Variants in ZNF207 observed in about 807,000 individuals in gnomAD.
ZNF207 encodes zinc finger protein 207.
Under a neutral mutation model 60.2 loss-of-function variants are expected in ZNF207, and 24 were observed. The ratio of observed to expected loss-of-function variants is 0.40; its 90% CI spans 0.29 to 0.56. The LOEUF is 0.56. ZNF207 is among the 20% of genes least tolerant of loss of function. ZNF207 has a pLI of 0.49. For synonymous variants in ZNF207, 236 were observed against 194.7 expected (o/e 1.21, Z -1.77); for missense variants, 452 against 636.6 (o/e 0.71, Z 3.12).
intron 1 of ZNF207, chr17:32,351,489 T>C: frequency 6.8e-7 from 1 of 1,475,950 alleles, no homozygotes; most frequent in South Asian, 1.3e-5. Context: ...TGTTGAAATA[T>C]TTATAACAAA....
At chr17:32,367,282 T>TATATATATATATATATATATAAAA (rs1445385221) in intron 9 of ZNF207, among the ~76,000 whole-genome samples, 3 of 82,862 alleles carry the variant, frequency 3.6e-5, no homozygotes, top group Non-Finnish European at 6.5e-5. Context: ...TATATATATA[T>TATATATATATATATATATATAAAA]ATAAAGAATA....
In ZNF207 at chr17:32,360,701, T is replaced by C. The variant is rs1264040558; in HGVS notation, c.411T>C (p.Gly137=). Residue 137 remains glycine (G), a synonymous_variant, in exon 4 of 12, where the codon GGT becomes GGC. Coordinates refer to ENST00000394670, the MANE Select transcript of ZNF207 (RefSeq NM_001098507.2). ...FQPQPVQPQQ[G]YIPPMAQPGL... The stretch of plus-strand genomic sequence containing the variant: ...CACAGCCTGTTCAACCTCAGCAAGG[T>C]TATATTCCTCCAATGGCACAGCCAG... The C allele has an allele frequency of 6.2e-7, 1 of 1,614,108 alleles. No homozygotes were observed. The highest frequency in any genetic ancestry group is 8.5e-7 in the Non-Finnish European group (1 of 1,180,024).
At chr17:32,357,905 C>A (rs9914513) in intron 2 of ZNF207, among the ~76,000 whole-genome samples, 23 of 151,648 alleles carry the variant, frequency 1.5e-4, no homozygotes, top group Non-Finnish European at 4.4e-5. Flanking sequence ...TCAGCCTCCC[C>A]AGTAGCTGGG....
rs1905726030 is a variant in ZNF207, at chr17:32,377,738, T to C, written c.*7979T>C. On this transcript the variant is annotated 3_prime_UTR_variant, in exon 12 of 12. Transcript: ENST00000394670. ...AGATGTGTCCAAGAGATTTTCAATG[T>C]TAATTAGCTCATTCTAAATAGCCAA... is the stretch of plus-strand genomic sequence containing the variant. 2 of 151,936 alleles carry C rather than the reference T, an allele frequency of 1.3e-5. No individual in the cohort carries two copies. Among genetic ancestry groups the C allele is most frequent in the South Asian group, 4.1e-4 (2 of 4,830 alleles). The allele number at this position is 151,936 out of a possible 1,614,324, so 9.4% of individuals were successfully genotyped here. A position where few individuals can be genotyped will look rare whatever the true frequency, so the allele number is the denominator to read the frequency against.
rs1301360030 is a variant in ZNF207, at chr17:32,380,982, G to A, written c.*11223G>A. 6.6e-6 allele frequency: 1 copy of A among 151,984 alleles called. No individual in the cohort carries two copies. Among genetic ancestry groups the A allele is most frequent in the Non-Finnish European group, 1.5e-5 (1 of 67,978 alleles). The allele number at this position is 151,984 out of a possible 1,614,324, so 9.4% of individuals were successfully genotyped here. A position where few individuals can be genotyped will look rare whatever the true frequency, so the allele number is the denominator to read the frequency against. ...AAAAAAAAAAAGAAAAAAAGAAAAAGTGATAAGATTTGGGAGTCTATTCCC... is the reference window on the plus strand; with the variant it reads ...AAAAAAAAAAAGAAAAAAAGAAAAAATGATAAGATTTGGGAGTCTATTCCC... On this transcript the variant is annotated 3_prime_UTR_variant, in exon 12 of 12. Transcript: ENST00000394670.
chr17:32,362,918 A>G lies in ZNF207; in HGVS notation c.604A>G (p.Met202Val). Residue 202 changes from methionine (M) to valine (V), a missense_variant, in exon 7 of 12, where the codon ATG (methionine) becomes GTG (valine). Around this residue, in one of 2 missense-constraint regions of ZNF207, gnomAD observed 390 missense variants for 461.4 expected, o/e 0.85. Transcript: ENST00000394670. ...TQSFCGENIM[M>V]PMGGMMPPGP... ...TTGAAATTTGCTTTCTAATAGAATG[A>G]TGCCAATGGGTGGAATGATGCCACC... 1 of 1,613,380 alleles carries G rather than the reference A, an allele frequency of 6.2e-7. No individual in the cohort carries two copies. Among genetic ancestry groups the G allele is most frequent in the Non-Finnish European group, 8.5e-7 (1 of 1,179,928 alleles).
At chr17:32,366,803 C>G (rs1905182732) in intron 9 of ZNF207, 46 bp downstream of exon 9, 1 of 1,536,048 alleles carries the variant, frequency 6.5e-7, no homozygotes. Context: ...GGCTTTATAA[C>G]TTAACCCTTT....
At chr17:32,361,649 T>C (rs1241930907) in intron 6 of ZNF207, 134 bp downstream of exon 6, 1 of 677,210 alleles carries the variant, frequency 1.5e-6, no homozygotes, top group Non-Finnish European at 2.3e-6. Context: ...GCAAGCTAAT[T>C]AACACAGGTC....
rs2150808747 is a variant in ZNF207, at chr17:32,378,750, T to C, written c.*8991T>C. The C allele has an allele frequency of 6.6e-6, 1 of 152,202 alleles. No individual in the cohort carries two copies. Among genetic ancestry groups the C allele is most frequent in the Non-Finnish European group, 1.5e-5 (1 of 67,918 alleles). 9.4% of individuals were successfully genotyped at this position (152,202 alleles called of 1,614,324 possible). ...TGTTGTTTGAACCATCCTCTAAAGA[T>C]TTCCTTTAACCTCTAAATGTTGTGC... On this transcript the variant is annotated 3_prime_UTR_variant, in exon 12 of 12. Coordinates refer to ENST00000394670, the MANE Select transcript of ZNF207 (RefSeq NM_001098507.2).
At chr17:32,367,153 A>G (rs1450021762) in intron 9 of ZNF207, among the ~76,000 whole-genome samples, 1 of 149,150 alleles carries the variant, frequency 6.7e-6, no homozygotes, top group Admixed American at 6.7e-5. Context: ...CATATTTGTT[A>G]CTGATAACTT....
Position 32,372,997 on chromosome 17 carries a change from C to T in ZNF207, c.*3238C>T. ...AAAACATTTTGTCTGGCACTAGTTT[C>T]TGTTGTATAAGTTTTCATACTGTTT... On this transcript the variant is annotated 3_prime_UTR_variant, in exon 12 of 12. Transcript: ENST00000394670. 6.4e-6 allele frequency: 1 copy of T among 155,626 alleles called. No individual in the cohort carries two copies. The highest frequency in any genetic ancestry group is 1.4e-5 in the Non-Finnish European group (1 of 70,388). The allele number at this position is 155,626 out of a possible 1,614,324, so 9.6% of individuals were successfully genotyped here.
chr17:32,357,348 ATTATTTTTTTT>A (rs1312595082), intron 2 of ZNF207, among the ~76,000 whole-genome samples: 2 of 77,692 alleles, frequency 2.6e-5, no homozygotes, highest in Admixed American at 1.4e-4. Context: ...TATTATTATT[ATTATTTTTTTT>A]TTTTTTTGAG....
chr17:32,369,465 T>C lies in ZNF207; in HGVS notation c.1324+11T>C. The stretch of plus-strand genomic sequence containing the variant: ...CAATGCCACCTCATGGTATTCCTCT[T>C]TTTATGTTTTTCATATTTAGTGGAT... On this transcript the variant is annotated intron_variant, in intron 11 of 11. Coordinates refer to ENST00000394670, the MANE Select transcript of ZNF207 (RefSeq NM_001098507.2). The C allele has an allele frequency of 6.2e-7, 1 of 1,611,628 alleles. No homozygotes were observed. The highest frequency in any genetic ancestry group is 8.5e-7 in the Non-Finnish European group (1 of 1,178,348).
At chr17:32,357,318 A>AT (rs892537093) in intron 2 of ZNF207, among the ~76,000 whole-genome samples, 1 of 58,442 alleles carries the variant, frequency 1.7e-5, no homozygotes, top group African/African-American at 1.1e-4. Context: ...TCTAATTATT[A>AT]TTATTATTAT....
In ZNF207 at chr17:32,367,846, A is replaced by AC; in HGVS notation, c.1001dup (p.Pro336AlafsTer15). 1 of 1,614,048 alleles carries AC rather than the reference A, an allele frequency of 6.2e-7. No homozygotes were observed. Among genetic ancestry groups the AC allele is most frequent in the Non-Finnish European group, 8.5e-7 (1 of 1,180,012 alleles). On this transcript the variant is annotated frameshift_variant, in exon 10 of 12. Coordinates refer to ENST00000394670, the MANE Select transcript of ZNF207 (RefSeq NM_001098507.2). LOFTEE classifies it high-confidence loss of function. ...ATAGTACCCCTGCAACAACTACAGAACCCCCAAAGCCTACATTCCCTGCTT... is the reference window on the plus strand; with the variant it reads ...ATAGTACCCCTGCAACAACTACAGAACCCCCCAAAGCCTACATTCCCTGCTT...
Position 32,375,290 on chromosome 17 carries a change from C to G in ZNF207, c.*5531C>G, listed in dbSNP as rs1363808321. 1 of 152,104 alleles carries G rather than the reference C, an allele frequency of 6.6e-6. No individual in the cohort carries two copies. Among genetic ancestry groups the G allele is most frequent in the Non-Finnish European group, 1.5e-5 (1 of 67,996 alleles). 9.4% of individuals were successfully genotyped at this position (152,104 alleles called of 1,614,324 possible). Reference sequence around the variant, plus strand: ...TGGACTATTTTATAACCTCAGTAATCAACATTTAAGAGTCCTTAATTGGAG... The same window carrying G: ...TGGACTATTTTATAACCTCAGTAATGAACATTTAAGAGTCCTTAATTGGAG... On this transcript the variant is annotated 3_prime_UTR_variant, in exon 12 of 12. Transcript: ENST00000394670.
rs755151389 is a variant in ZNF207, at chr17:32,379,341, TA to T, written c.*9583del. ...TGGATATTACTTGAATCAAGAATAT[TA>T]GAAAATTATTTTACCACCTGGCATT... On this transcript the variant is annotated 3_prime_UTR_variant, in exon 12 of 12. Transcript: ENST00000394670. The T allele has an allele frequency of 2.0e-5, 3 of 152,106 alleles. No homozygotes were observed. The highest frequency in any genetic ancestry group is 4.4e-5 in the Non-Finnish European group (3 of 67,958). 9.4% of individuals were successfully genotyped at this position (152,106 alleles called of 1,614,324 possible).
intron 10 of ZNF207, chr17:32,368,897 C>G (rs150753560): frequency 1.2e-5 from 2 of 163,954 alleles, no homozygotes; most frequent in African/African-American, 4.8e-5. Flanking sequence ...CCCAGCTACT[C>G]CGGAGGCTGA....
intron 10 of ZNF207, chr17:32,368,999 G>A (rs1023046157): frequency 6.2e-5 from 15 of 243,256 alleles, no homozygotes; most frequent in African/African-American, 3.4e-4. Flanking sequence ...GTGAAACCCC[G>A]TCTCAAAAAA....
Sources: gnomAD v4.1 joint callset for allele counts (sites outside exome capture counted in the v4.1 genomes callset) on GRCh38, gnomAD v4.1.1 for gene constraint, gnomAD v4.1.1 regional missense constraint, MANE v1.5 for transcripts, NCBI Gene and HGNC (gene_info 2026-07-23, HGNC 2026-07-21) for gene names.